Variants in SPAM1 observed in about 807,000 individuals in gnomAD.
SPAM1 encodes hyaluronidase PH-20.
In SPAM1, 22 loss-of-function variants were observed where a neutral mutation model predicts 29.6. That is an observed-to-expected ratio of 0.74 (90% CI 0.53 to 1.06). The LOEUF (loss-of-function observed/expected upper bound fraction) is 1.06. Among genes scored for constraint, SPAM1 ranks in the 50% least tolerant of loss-of-function variants. The probability of loss-of-function intolerance (pLI) is 0.00; values close to 1 mark genes in which losing one functional copy is unlikely to be tolerated. For synonymous variants in SPAM1, 194 were observed against 204.6 expected (o/e 0.95, Z 0.44); for missense variants, 534 against 604.0 (o/e 0.88, Z 1.21).
At chr7:123,948,998 T>C (rs1303386642) in intron 1 of SPAM1, among the ~76,000 whole-genome samples, 2 of 151,038 alleles carry the variant, frequency 1.3e-5, no homozygotes, top group Admixed American at 6.6e-5. Flanking sequence ...TCCTGTCTGA[T>C]ACTCTCCTCT....
chr7:123,953,445 C>G lies in SPAM1; in HGVS notation c.-126C>G, dbSNP rs963910965. The G allele has an allele frequency of 9.2e-5, 51 of 555,036 alleles. No homozygotes were observed. Among genetic ancestry groups the G allele is most frequent in the African/African-American group, 9.0e-4 (47 of 52,086 alleles). 34.4% of individuals were successfully genotyped at this position (555,036 alleles called of 1,614,324 possible). On this transcript the variant is annotated 5_prime_UTR_variant, in exon 3 of 5. Transcript: ENST00000682466. The stretch of plus-strand genomic sequence containing the variant: ...ATTTAAATGTAACTTAATCATTATA[C>G]CTCTTTATCCATCAAAGTGAATTCA...
At chr7:123,933,851 C>T (rs1307460225) in intron 1 of SPAM1, among the ~76,000 whole-genome samples, 1 of 152,100 alleles carries the variant, frequency 6.6e-6, no homozygotes, top group Admixed American at 6.5e-5. Context: ...ATGTTTTGGT[C>T]AATGATAGAC....
At chr7:123,955,400 T>G (rs1178029228) in intron 4 of SPAM1, among the ~76,000 whole-genome samples, 4 of 152,064 alleles carry the variant, frequency 2.6e-5, no homozygotes, top group African/African-American at 9.7e-5. Context: ...AGATAGGTCC[T>G]TGTTCCTTTA....
chr7:123,962,153 TC>T (rs556457853), downstream of SPAM1, among the ~76,000 whole-genome samples: 81 of 152,134 alleles, frequency 5.3e-4, 1 homozygote, highest in African/African-American at 1.9e-3. Context: ...CACCAAGAGT[TC>T]CCTTTTCCCA....
chr7:123,960,785 C>T (rs1168105379), downstream of SPAM1, among the ~76,000 whole-genome samples: 1 of 151,544 alleles, frequency 6.6e-6, no homozygotes, highest in African/African-American at 2.4e-5. Flanking sequence ...TTTTTTGCGG[C>T]ATTACATTTT....
At chr7:123,925,718 AG>A in intron 1 of SPAM1, 1 of 127,130 alleles carries the variant, frequency 7.9e-6, no homozygotes, top group African/African-American at 3.1e-5. Context: ...CCTGGGTGAC[AG>A]AGTGAGACTC....
rs532819041 is a variant in SPAM1 at position 123,953,692 on chromosome 7, C to T, written c.122C>T (p.Pro41Leu). The T allele has an allele frequency of 6.2e-7, 1 of 1,613,314 alleles. No homozygotes were observed. The highest frequency in any genetic ancestry group is 1.7e-5 in the Admixed American group (1 of 59,862). Residue 41 changes from proline to leucine, a missense_variant, in exon 3 of 5, where the codon CCT becomes CTT. By Grantham distance (98) the Pro-to-Leu change is moderately conservative. Transcript: ENST00000682466. ...PCCLTLNFRA[P>L]PVIPNVPFLW... is the part of the protein sequence containing the mutation. ...TGCTTGACTCTGAATTTCAGAGCACCTCCTGTTATTCCAAATGTGCCTTTC... is the reference window on the plus strand; with the variant it reads ...TGCTTGACTCTGAATTTCAGAGCACTTCCTGTTATTCCAAATGTGCCTTTC...
intron 2 of SPAM1, among the ~76,000 whole-genome samples, chr7:123,952,225 T>A (rs1239398340): frequency 6.6e-6 from 1 of 152,134 alleles, no homozygotes; most frequent in African/African-American, 2.4e-5. Context: ...AAATTCATTA[T>A]CTTCAAAACA....
chr7:123,956,088 A>C (rs1362902676), intron 4 of SPAM1, among the ~76,000 whole-genome samples: 3 of 151,956 alleles, frequency 2.0e-5, no homozygotes, highest in Non-Finnish European at 4.4e-5. Flanking sequence ...GGCATTCCTC[A>C]ATGAATAGGT....
intron 1 of SPAM1, among the ~76,000 whole-genome samples, chr7:123,942,523 T>G (rs1808462321): frequency 6.6e-6 from 1 of 152,220 alleles, no homozygotes; most frequent in Admixed American, 6.5e-5. Flanking sequence ...AGTATATGCA[T>G]AAAATCAGCA....
rs776696459 is a variant in SPAM1 at position 123,959,502 on chromosome 7, G to A, written c.1063G>A (p.Asp355Asn). 1 of 1,602,738 alleles carries A rather than the reference G, an allele frequency of 6.2e-7. No homozygotes were observed. Among genetic ancestry groups the A allele is most frequent in the Non-Finnish European group, 8.5e-7 (1 of 1,174,128 alleles). The change falls in exon 5 of 5, where the codon GAC (aspartate) becomes AAC (asparagine). Residue 355 changes from aspartate to asparagine, a missense_variant. Coordinates refer to ENST00000682466, the MANE Select transcript of SPAM1 (RefSeq NM_153189.3). Reference sequence around the variant, plus strand: ...TTTACAGAAATCTTGCTTGCTCCTAGACAATTACATGGAGACTATACTGAA... The same window carrying A: ...TTTACAGAAATCTTGCTTGCTCCTAAACAATTACATGGAGACTATACTGAA... ...MRSMKSCLLL[D>N]NYMETILNPY...
intron 1 of SPAM1, among the ~76,000 whole-genome samples, chr7:123,949,556 TATC>T (rs1808694645): frequency 6.6e-6 from 1 of 152,180 alleles, no homozygotes; most frequent in South Asian, 2.1e-4. Context: ...AAGCATTTCT[TATC>T]ATTGGTATTG....
Position 123,954,312 on chromosome 7 carries a change from G to T in SPAM1, c.742G>T (p.Asp248Tyr). The change falls in exon 3 of 5, where the codon GAT becomes TAT. Residue 248 changes from aspartate (D) to tyrosine (Y), a missense_variant. Transcript: ENST00000682466. ...CFNVEIKRND[D>Y]LSWLWNESTA... The stretch of plus-strand genomic sequence containing the variant: ...CAATGTAGAAATAAAAAGAAATGAT[G>T]ATCTCAGCTGGTTGTGGAATGAAAG... 6.2e-7 allele frequency: 1 copy of T among 1,612,620 alleles called. No homozygotes were observed. Among genetic ancestry groups the T allele is most frequent in the Non-Finnish European group, 8.5e-7 (1 of 1,179,396 alleles).
chr7:123,932,927 G>A (rs1808131104), intron 1 of SPAM1, among the ~76,000 whole-genome samples: 1 of 152,168 alleles, frequency 6.6e-6, no homozygotes, highest in African/African-American at 2.4e-5. Context: ...TGCCAGAACT[G>A]TAGGGAAAGA....
At chr7:123,948,110 A>G (rs1218758141) in intron 1 of SPAM1, among the ~76,000 whole-genome samples, 2 of 152,192 alleles carry the variant, frequency 1.3e-5, no homozygotes, top group East Asian at 3.9e-4. Context: ...ATAAAAAACA[A>G]TAGTTTAAGA....
At chr7:123,967,841 A>G (rs1792448146) in intron 5 of SPAM1, among the ~76,000 whole-genome samples, 1 of 152,064 alleles carries the variant, frequency 6.6e-6, no homozygotes, top group Non-Finnish European at 1.5e-5. Context: ...GAGAAAGTAC[A>G]TTGTGGAGAA....
At chr7:123,936,461 A>C (rs1808246943) in intron 1 of SPAM1, among the ~76,000 whole-genome samples, 1 of 152,196 alleles carries the variant, frequency 6.6e-6, no homozygotes. Context: ...GGACTTAAAA[A>C]ACATCTCAAA....
chr7:123,954,557 G>A (rs201357553), intron 3 of SPAM1, 33 bp downstream of exon 3: 1 of 1,359,418 alleles, frequency 7.4e-7, no homozygotes, highest in African/African-American at 1.5e-5. Flanking sequence ...GCTAGGAAAT[G>A]AAATTCACAA....
chr7:123,963,803 T>C (rs1340148803), downstream of SPAM1, among the ~76,000 whole-genome samples: 2 of 151,922 alleles, frequency 1.3e-5, no homozygotes, highest in Admixed American at 1.3e-4. Flanking sequence ...GCTGCTGACT[T>C]TGGGAAACTT....
Sources: gnomAD v4.1 joint callset for allele counts (sites outside exome capture counted in the v4.1 genomes callset) on GRCh38, gnomAD v4.1.1 for gene constraint, MANE v1.5 for transcripts, NCBI Gene and HGNC (gene_info 2026-07-23, HGNC 2026-07-21) for gene names.